The following ADAMTS17 variants were observed in gnomAD, a reference collection of about 807,000 sequenced individuals.
ADAMTS17 encodes ADAM metallopeptidase with thrombospondin type 1 motif 17.
A neutral mutation model predicts 141.5 loss-of-function variants in ADAMTS17; 113 were observed. The observed-to-expected ratio is 0.80, with a 90% CI of 0.69 to 0.93. The LOEUF (loss-of-function observed/expected upper bound fraction) is 0.93, where lower values mean the gene tolerates loss of function less well. ADAMTS17 is among the 40% of genes least tolerant of loss of function. The pLI is 0.00. For missense variants in ADAMTS17, 1,659 were observed against 1,517.9 expected (o/e 1.09, Z -1.54); for synonymous variants, 768 against 630.6 (o/e 1.22, Z -3.27).
chr15:100,215,368 G>A (rs759383433), intron 7 of ADAMTS17, among the ~76,000 whole-genome samples: 3 of 152,220 alleles, frequency 2.0e-5, no homozygotes, highest in African/African-American at 7.2e-5. Context: ...GGGCCCGAAT[G>A]TCTGGCGTTC....
chr15:100,213,883 G>C (rs2041886866), intron 7 of ADAMTS17, among the ~76,000 whole-genome samples: 1 of 152,264 alleles, frequency 6.6e-6, no homozygotes, highest in South Asian at 2.1e-4. Context: ...GGGTCAGATA[G>C]AGGTGCTGAG....
chr15:100,108,934 G>A lies in ADAMTS17; in HGVS notation c.2016+55C>T, dbSNP rs537740561. ...TGCTCTACCCCACTCCCTGTCTGGG[G>A]AGAGTGAGTCTCCTCTCCAAAGCCC... On this transcript the variant is annotated intron_variant, in intron 14 of 21. Coordinates refer to ENST00000268070, the MANE Select transcript of ADAMTS17 (RefSeq NM_139057.4). The A allele has an allele frequency of 8.8e-4, 1,423 of 1,610,684 alleles. 19 individuals are homozygous for A. The South Asian group carries it at 0.014, about 16-fold the overall frequency.
At chr15:100,133,020 A>G (rs2038132904) in intron 11 of ADAMTS17, among the ~76,000 whole-genome samples, 194 bp downstream of exon 11, 1 of 152,254 alleles carries the variant, frequency 6.6e-6, no homozygotes, top group Admixed American at 6.5e-5. Flanking sequence ...TGATACTTGT[A>G]TCTTATAAGA....
intron 20 of ADAMTS17, among the ~76,000 whole-genome samples, chr15:99,988,950 G>A (rs2060642123): frequency 6.6e-6 from 1 of 152,174 alleles, no homozygotes; most frequent in African/African-American, 2.4e-5. Flanking sequence ...GTACCAGGAA[G>A]GTCAAGGTAT....
At chr15:100,133,684 T>C (rs1440719989) in intron 10 of ADAMTS17, among the ~76,000 whole-genome samples, 2 of 152,102 alleles carry the variant, frequency 1.3e-5, no homozygotes, top group East Asian at 1.9e-4. Flanking sequence ...AGGGGCTGTC[T>C]AGGGGACACA....
intron 7 of ADAMTS17, among the ~76,000 whole-genome samples, chr15:100,247,320 C>G (rs920000775): frequency 6.6e-6 from 1 of 152,250 alleles, no homozygotes; most frequent in Non-Finnish European, 1.5e-5. Context: ...AAGAGCTGGT[C>G]TAGCCAGTAA....
At chr15:100,289,358 A>G (rs2044551615) in intron 3 of ADAMTS17, among the ~76,000 whole-genome samples, 1 of 152,202 alleles carries the variant, frequency 6.6e-6, no homozygotes. Flanking sequence ...CCTACCAACC[A>G]GAAAAAGCCC....
At chr15:99,994,862 C>G (rs544078310) in intron 19 of ADAMTS17, among the ~76,000 whole-genome samples, 6 of 152,392 alleles carry the variant, frequency 3.9e-5, no homozygotes, top group African/African-American at 1.4e-4. Context: ...TTGCGCCTCG[C>G]AGCTCTTTCT....
chr15:100,200,009 A>T (rs1035062333), intron 7 of ADAMTS17, among the ~76,000 whole-genome samples: 12 of 152,242 alleles, frequency 7.9e-5, no homozygotes, highest in Admixed American at 6.5e-5. Context: ...AATGTTCTGA[A>T]AAATGCTTCA....
At chr15:100,045,721 A>G (rs1373452214) in intron 18 of ADAMTS17, among the ~76,000 whole-genome samples, 1 of 152,192 alleles carries the variant, frequency 6.6e-6, no homozygotes, top group African/African-American at 2.4e-5. Flanking sequence ...TGGCTTAACC[A>G]GTAAAAGATG....
At chr15:100,232,717 A>T (rs929234523) in intron 7 of ADAMTS17, among the ~76,000 whole-genome samples, 2 of 152,214 alleles carry the variant, frequency 1.3e-5, no homozygotes, top group African/African-American at 2.4e-5. Flanking sequence ...CCTGAATAGC[A>T]GGAGTGACTT....
intron 15 of ADAMTS17, among the ~76,000 whole-genome samples, chr15:100,061,246 A>G (rs942806237): frequency 1.3e-5 from 2 of 152,204 alleles, no homozygotes; most frequent in African/African-American, 4.8e-5. Flanking sequence ...GAGAGGCTCC[A>G]TGAACGGCAG....
At chr15:100,310,163 G>T (rs2045357234) in intron 3 of ADAMTS17, among the ~76,000 whole-genome samples, 1 of 152,152 alleles carries the variant, frequency 6.6e-6, no homozygotes, top group Non-Finnish European at 1.5e-5. Flanking sequence ...GCACCAACAA[G>T]ATGATTAACT....
chr15:100,007,567 G>A (rs2061061321), intron 18 of ADAMTS17, among the ~76,000 whole-genome samples: 1 of 152,100 alleles, frequency 6.6e-6, no homozygotes, highest in Non-Finnish European at 1.5e-5. Context: ...CTCTTAAAGG[G>A]TGGAGATGAC....
intron 3 of ADAMTS17, among the ~76,000 whole-genome samples, chr15:100,292,804 C>T (rs1244984893): frequency 2.0e-5 from 3 of 152,168 alleles, no homozygotes; most frequent in Non-Finnish European, 4.4e-5. Flanking sequence ...TCTGAGTTTC[C>T]TAAAACCAGA....
At chr15:100,142,857 T>A (rs988196860) in intron 10 of ADAMTS17, among the ~76,000 whole-genome samples, 17 of 152,246 alleles carry the variant, frequency 1.1e-4, no homozygotes, top group Non-Finnish European at 2.2e-4. Context: ...CCTGAAATGA[T>A]TGGCTGACAG....
chr15:100,190,031 G>T (rs1426576083), intron 8 of ADAMTS17, among the ~76,000 whole-genome samples: 2 of 152,208 alleles, frequency 1.3e-5, no homozygotes, highest in Non-Finnish European at 2.9e-5. Flanking sequence ...CCAATCACAA[G>T]TGAGGTGTGA....
intron 3 of ADAMTS17, among the ~76,000 whole-genome samples, chr15:100,313,045 C>CA (rs1265002555): frequency 1.3e-5 from 2 of 152,108 alleles, no homozygotes; most frequent in Non-Finnish European, 2.9e-5. Flanking sequence ...ACTATAGTCA[C>CA]AAAAAAGCAT....
At chr15:100,312,130 G>A (rs576867987) in intron 3 of ADAMTS17, among the ~76,000 whole-genome samples, 125 of 152,300 alleles carry the variant, frequency 8.2e-4, no homozygotes, top group African/African-American at 2.9e-3. Flanking sequence ...ACGAAAATGT[G>A]AACTTACATG....
Sources: allele counts gnomAD v4.1 joint callset (sites outside exome capture counted in the v4.1 genomes callset), GRCh38; gene constraint gnomAD v4.1.1; transcripts MANE v1.5; gene names NCBI Gene and HGNC (gene_info 2026-07-23, HGNC 2026-07-21).